The following SH2D3A variants were observed in gnomAD, a reference collection of about 807,000 sequenced individuals.
SH2D3A encodes SH2 domain-containing protein 3A.
In SH2D3A, 46 loss-of-function variants were observed where a neutral mutation model predicts 50.6. That is an observed-to-expected ratio of 0.91 (90% CI 0.72 to 1.16). SH2D3A has a LOEUF of 1.16. Among genes scored for constraint, SH2D3A ranks in the 50% most tolerant of loss-of-function variants. The pLI, the probability that SH2D3A is intolerant of heterozygous loss-of-function variation, is 0.00. For missense variants in SH2D3A, 783 were observed against 786.2 expected, an observed-to-expected ratio of 1.00 and a Z score of 0.05; for synonymous variants, 377 against 348.4, an observed-to-expected ratio of 1.08 and a Z score of -0.91.
At chr19:6,753,114 G>A (rs576958524) in intron 9 of SH2D3A, 1 of 985,362 alleles carries the variant, frequency 1.0e-6, no homozygotes, top group African/African-American at 1.7e-5. Context: ...CCCTAGGATA[G>A]GACGGAGGAG....
rs7256591 is a variant in SH2D3A, at chr19:6,754,209, C to T, written c.1272+42G>A. 644 of 1,607,000 alleles carry T rather than the reference C, an allele frequency of 4.0e-4. 2 individuals are homozygous for T. The African/African-American group carries it at 7.8e-3, about 19-fold the overall frequency. On this transcript the variant is annotated intron_variant, in intron 7 of 9. Coordinates refer to ENST00000245908, the MANE Select transcript of SH2D3A (RefSeq NM_005490.3). Reference sequence around the variant, plus strand: ...ACGCCTCCTCTCCAGTCTTCCCAGTCACCCGCACTCCAGCTTCCTCCAGTC... The same window carrying T: ...ACGCCTCCTCTCCAGTCTTCCCAGTTACCCGCACTCCAGCTTCCTCCAGTC...
At chr19:6,753,980 T>C (rs2145573630) in intron 8 of SH2D3A, 72 bp downstream of exon 8, 2 of 1,457,518 alleles carry the variant, frequency 1.4e-6, no homozygotes, top group East Asian at 2.4e-5. Context: ...GGACTGGGCA[T>C]AGGACTAGAT....
At chr19:6,752,886 G>T (rs1041456867) in intron 9 of SH2D3A, 133 bp from the exon 10 acceptor site, 1 of 1,408,990 alleles carries the variant, frequency 7.1e-7, no homozygotes, top group African/African-American at 1.4e-5. Context: ...CCCACCTGCG[G>T]GATGACTAGG....
intron 2 of SH2D3A, among the ~76,000 whole-genome samples, chr19:6,762,248 A>G (rs910569083): frequency 5.3e-5 from 8 of 151,972 alleles, no homozygotes; most frequent in African/African-American, 1.7e-4. Context: ...CAATGGCACA[A>G]TCTCGGCTCA....
At position 6,752,386 on chromosome 19, in the gene SH2D3A, A is replaced by C. The variant is rs2145563161; in HGVS notation, c.*207T>G. Reference sequence around the variant, plus strand: ...ATCACGGCTTTTAAGAGGTGGAGTCACATTTGAACTCTGGCCTCTGATGCC... The same window carrying C: ...ATCACGGCTTTTAAGAGGTGGAGTCCCATTTGAACTCTGGCCTCTGATGCC... On this transcript the variant is annotated 3_prime_UTR_variant, in exon 10 of 10. Coordinates refer to ENST00000245908, the MANE Select transcript of SH2D3A (RefSeq NM_005490.3). 1 of 415,948 alleles carries C rather than the reference A, an allele frequency of 2.4e-6. No homozygotes were observed. The highest frequency in any genetic ancestry group is 4.2e-6 in the Non-Finnish European group (1 of 239,114). The allele number at this position is 415,948 out of a possible 1,614,324, so 25.8% of individuals were successfully genotyped here. A position where few individuals can be genotyped will look rare whatever the true frequency, so the allele number is the denominator to read the frequency against.
chr19:6,756,832 G>C (rs1197628844), intron 4 of SH2D3A, among the ~76,000 whole-genome samples: 3 of 151,860 alleles, frequency 2.0e-5, no homozygotes, highest in East Asian at 3.8e-4. Context: ...AGCTACACTC[G>C]TGTGTCCCTC....
At chr19:6,759,716 T>G in intron 3 of SH2D3A, 46 bp from the exon 4 acceptor site, 1 of 1,580,072 alleles carries the variant, frequency 6.3e-7, no homozygotes. Context: ...ACCTAAGCAG[T>G]GTCCCCCACC....
intron 4 of SH2D3A, 134 bp from the exon 5 acceptor site, chr19:6,755,449 G>A (rs1568264418): frequency 7.1e-6 from 4 of 564,626 alleles, no homozygotes; most frequent in Non-Finnish European, 1.2e-5. Context: ...CAACCTATCC[G>A]GGTGCAGTTT....
intron 9 of SH2D3A, 45 bp from the exon 10 acceptor site, chr19:6,752,798 G>A (rs1056329902): frequency 6.8e-7 from 1 of 1,473,678 alleles, no homozygotes; most frequent in Non-Finnish European, 9.0e-7. Context: ...CCAGGCGCCC[G>A]CCTCGCCCCT....
chr19:6,761,812 G>T (rs1196112957), intron 2 of SH2D3A, among the ~76,000 whole-genome samples: 1 of 152,004 alleles, frequency 6.6e-6, no homozygotes, highest in Non-Finnish European at 1.5e-5. Context: ...AGCTGAGCGT[G>T]GTGGTGTGCA....
At chr19:6,763,581 C>T (rs1306249295) in intron 2 of SH2D3A, 99 bp downstream of exon 2, 1 of 1,102,624 alleles carries the variant, frequency 9.1e-7, no homozygotes, top group South Asian at 1.4e-5. Context: ...TCCCAATAGA[C>T]CTTGGCACTA....
chr19:6,759,117 C>CTT (rs573267885), intron 4 of SH2D3A: 48 of 150,616 alleles, frequency 3.2e-4, no homozygotes, highest in South Asian at 7.3e-4. Context: ...ATTGTAAACA[C>CTT]TTTTTTTTTT....
chr19:6,755,609 G>C (rs1969623558), intron 4 of SH2D3A, among the ~76,000 whole-genome samples: 1 of 150,274 alleles, frequency 6.7e-6, no homozygotes, highest in African/African-American at 2.4e-5. Flanking sequence ...GGCTGGTCTG[G>C]AATTCCTAGT....
At chr19:6,763,588 A>T (rs1338086591) in intron 2 of SH2D3A, 92 bp downstream of exon 2, 2 of 1,222,340 alleles carry the variant, frequency 1.6e-6, no homozygotes, top group Non-Finnish European at 2.3e-6. Flanking sequence ...AGACCTTGGC[A>T]CTAAGTCCCT....
intron 9 of SH2D3A, chr19:6,753,123 A>G: frequency 1.0e-6 from 1 of 983,038 alleles, no homozygotes; most frequent in Non-Finnish European, 1.2e-6. Flanking sequence ...AGGACGGAGG[A>G]GTCGTTTTGG....
chr19:6,753,072 G>A, intron 9 of SH2D3A: 1 of 985,408 alleles, frequency 1.0e-6, no homozygotes, highest in African/African-American at 1.7e-5. Flanking sequence ...CAGGTTGTCG[G>A]GGAAGGTGGG....
At chr19:6,765,507 G>A (rs1015646999) in intron 1 of SH2D3A, among the ~76,000 whole-genome samples, 1 of 152,114 alleles carries the variant, frequency 6.6e-6, no homozygotes. Flanking sequence ...TAGCACTTTG[G>A]GAGGCAGAGG....
At position 6,755,188 on chromosome 19, in the gene SH2D3A, C is replaced by A. The variant is rs777253585; in HGVS notation, c.624G>T (p.Lys208Asn). 1 of 1,592,450 alleles carries A rather than the reference C, an allele frequency of 6.3e-7. No individual in the cohort carries two copies. The highest frequency in any genetic ancestry group is 8.6e-7 in the Non-Finnish European group (1 of 1,167,324). The part of the protein sequence containing the change: ...LRASDGQLQA[K>N]APTKPPRTPS... ...GTGTCCGGGGGGGCTTCGTTGGTGC[C>A]TTGGCTTGAAGCTGCCCATCGGAGG... Residue 208 changes from lysine (K) to asparagine (N), a missense_variant, in exon 5 of 10, where the codon AAG becomes AAT. Transcript: ENST00000245908.
At chr19:6,755,501 C>T (rs1568264453) in intron 4 of SH2D3A, among the ~76,000 whole-genome samples, 186 bp from the exon 5 acceptor site, 1 of 152,062 alleles carries the variant, frequency 6.6e-6, no homozygotes, top group African/African-American at 2.4e-5. Flanking sequence ...TACATGCTTA[C>T]ACATGGTTAG....
Sources: allele counts gnomAD v4.1 joint callset (sites outside exome capture counted in the v4.1 genomes callset), GRCh38; gene constraint gnomAD v4.1.1; transcripts MANE v1.5; gene names NCBI Gene and HGNC (gene_info 2026-07-23, HGNC 2026-07-21).